The following SLC7A10 variants were observed in gnomAD, a reference collection of about 807,000 sequenced individuals.
The protein encoded by SLC7A10 is asc-type amino acid transporter 1.
In SLC7A10, 30 loss-of-function variants were observed where a neutral mutation model predicts 52.7. The ratio of observed to expected loss-of-function variants is 0.57; its 90% confidence interval spans 0.43 to 0.77. SLC7A10 has a LOEUF of 0.77. Ranked by LOEUF, SLC7A10 falls within the 30% of genes least tolerant of loss-of-function variation. SLC7A10 has a pLI of 0.00. For synonymous variants in SLC7A10, 318 were observed against 314.9 expected, an observed-to-expected ratio of 1.01 and a Z score of -0.10; for missense variants, 581 against 698.5, an observed-to-expected ratio of 0.83 and a Z score of 1.90.
intron 2 of SLC7A10, among the ~76,000 whole-genome samples, chr19:33,214,635 TC>T (rs1974629629): frequency 1.3e-5 from 2 of 152,152 alleles, no homozygotes. Context: ...TGTTCACACT[TC>T]CCCCATCCTG....
At chr19:33,209,170 G>C in intron 10 of SLC7A10, 138 bp downstream of exon 10, 1 of 1,520,434 alleles carries the variant, frequency 6.6e-7, no homozygotes. Flanking sequence ...CTTGGGAAGA[G>C]ACATTTGGTG....
intron 2 of SLC7A10, among the ~76,000 whole-genome samples, chr19:33,214,269 C>T (rs778056899): frequency 4.6e-5 from 7 of 152,146 alleles, no homozygotes; most frequent in Non-Finnish European, 1.0e-4. Flanking sequence ...TCCAAGGCTG[C>T]CCAGTTAAGG....
At chr19:33,209,896 T>C (rs1277392791) in intron 9 of SLC7A10, among the ~76,000 whole-genome samples, 1 of 152,084 alleles carries the variant, frequency 6.6e-6, no homozygotes, top group East Asian at 1.9e-4. Flanking sequence ...CATGAAATCC[T>C]GGCAGCCTTT....
intron 1 of SLC7A10, among the ~76,000 whole-genome samples, chr19:33,222,440 TAAAATAAATA>T (rs768178203): frequency 0.048 from 4,275 of 89,612 alleles, 99 homozygotes; most frequent in Non-Finnish European, 0.07. Flanking sequence ...TAAAATAAAA[TAAAATAAATA>T]AAATAAAATA....
intron 1 of SLC7A10, among the ~76,000 whole-genome samples, chr19:33,216,593 TTCCTTTCCTTTCCTTTC>T (rs892656874): frequency 3.2e-4 from 49 of 152,182 alleles, no homozygotes; most frequent in East Asian, 2.5e-3. Flanking sequence ...CTACTTCAAT[TTCCTTTCCTTTCCTTTC>T]TCCTTTCCTT....
intron 1 of SLC7A10, among the ~76,000 whole-genome samples, chr19:33,218,099 G>A (rs576637610): frequency 3.7e-4 from 56 of 152,282 alleles, no homozygotes; most frequent in African/African-American, 1.2e-3. Context: ...GGGGCTGGGT[G>A]GCCTTGGAAG....
chr19:33,211,545 C>G lies in SLC7A10; in HGVS notation c.789-8G>C, dbSNP rs772081588. 7 of 1,614,036 alleles carry G rather than the reference C, an allele frequency of 4.3e-6. 1 individual carries two copies. In the South Asian group the frequency reaches 7.7e-5, roughly 18 times the overall value. On this transcript the variant is annotated splice_polypyrimidine_tract_variant and splice_region_variant and intron_variant, in intron 5 of 10. Coordinates refer to ENST00000253188, the MANE Select transcript of SLC7A10 (RefSeq NM_019849.3). ...ATGGCGCGAGGTAGGTTCCTGGTGACAGGCAGTGGAGTGCGTCAGCGTCAG... is the reference window on the plus strand; with the variant it reads ...ATGGCGCGAGGTAGGTTCCTGGTGAGAGGCAGTGGAGTGCGTCAGCGTCAG...
chr19:33,214,287 G>A (rs1974622187), intron 2 of SLC7A10, among the ~76,000 whole-genome samples: 1 of 152,044 alleles, frequency 6.6e-6, no homozygotes, highest in South Asian at 2.1e-4. Flanking sequence ...AGGGTCCCCG[G>A]CCCATATCCC....
At chr19:33,218,062 G>A (rs939412475) in intron 1 of SLC7A10, among the ~76,000 whole-genome samples, 4 of 152,188 alleles carry the variant, frequency 2.6e-5, no homozygotes, top group African/African-American at 7.2e-5. Flanking sequence ...GGGATTTGCC[G>A]AAAGCCAGGG....
rs140475298 is a variant in SLC7A10, at chr19:33,208,819, C to T, written c.*72G>A. On this transcript the variant is annotated 3_prime_UTR_variant, in exon 11 of 11. Coordinates refer to ENST00000253188, the MANE Select transcript of SLC7A10 (RefSeq NM_019849.3). This position sits in a 1 kb window ranked among gnomAD's most constrained non-coding sequence, Gnocchi z 4.7. The stretch of plus-strand genomic sequence containing the variant: ...TTTTCCAGAAAAAAACAAAACAAAA[C>T]TTTTTTGCCAAAACACCTCCTCAAT... The T allele has an allele frequency of 8.6e-4, 1,361 of 1,574,584 alleles. 8 individuals carry two copies. The African/African-American group carries it at 0.016, about 18-fold the overall frequency.
chr19:33,218,271 G>A (rs1038200460), intron 1 of SLC7A10, among the ~76,000 whole-genome samples: 1 of 152,154 alleles, frequency 6.6e-6, no homozygotes, highest in Non-Finnish European at 1.5e-5. Flanking sequence ...CTTGTGCCCA[G>A]TGGCTGAAGA....
At position 33,212,571 on chromosome 19, in the gene SLC7A10, C is replaced by T. The variant is rs934363025; in HGVS notation, c.577G>A (p.Gly193Arg). 9 of 1,613,914 alleles carry T rather than the reference C, an allele frequency of 5.6e-6. No individual in the cohort carries two copies. Among genetic ancestry groups the T allele is most frequent in the African/African-American group, 2.7e-5 (2 of 74,950 alleles). ...ATRIQDMFTG[G>R]KLLALSLIIG... ...ATGAGGGACAAGGCCAGCAGCTTCC[C>T]GCCTGTGAACATGTCCTGGATGCGC... The change falls in exon 4 of 11, where the codon GGG (glycine) becomes AGG (arginine). Residue 193 changes from glycine to arginine, a missense_variant. Physicochemically the swap from Gly to Arg is moderately radical, Grantham distance 125. Transcript: ENST00000253188.
rs149183084 is a variant in SLC7A10, at chr19:33,223,552, C to T, written c.151+2001G>A. ...AGTGCAGACCCCAGCTCAGTCCTCA[C>T]CTGCCCAGTCCCCACCTCCTATCAC... is the stretch of plus-strand genomic sequence containing the variant. On this transcript the variant is annotated intron_variant, in intron 1 of 10. Transcript: ENST00000253188. Among the ~76,000 whole-genome samples, 694 of 152,002 alleles carry T rather than the reference C, an allele frequency of 4.6e-3. 6 individuals carry two copies. Among genetic ancestry groups the T allele is most frequent in the African/African-American group, 0.016 (658 of 41,460 alleles).
rs1335567754 is a variant in SLC7A10 at position 33,209,402 on chromosome 19, A to G, written c.1347T>C (p.Cys449=). The G allele has an allele frequency of 5.6e-6, 9 of 1,613,966 alleles. No homozygotes were observed. Among genetic ancestry groups the G allele is most frequent in the Non-Finnish European group, 7.6e-6 (9 of 1,180,036 alleles). The change falls in exon 10 of 11, where the codon TGT becomes TGC. Residue 449 remains cysteine, a synonymous_variant. Transcript: ENST00000253188. ...VFSFISEPMV[C]GVGVIIILTG... is the part of the protein sequence containing the mutation. ...TAAGGATGATGATGACGCCGACCCC[A>G]CAGACCATAGGCTCTGAGATGAAGC...
chr19:33,208,897 T>C lies in SLC7A10; in HGVS notation c.1566A>G (p.Pro522=). Residue 522 remains proline, a synonymous_variant, in exon 11 of 11, where the codon CCA becomes CCG. Transcript: ENST00000253188. This position sits in a 1 kb window ranked among gnomAD's most constrained non-coding sequence, Gnocchi z 4.7. ...LLPATDKPSK[P]Q ...TTCAGTCTCTACAAAAATCTCATTG[T>C]GGCTTCGAGGGCTTGTCTGTGGCAG... 2 of 1,399,918 alleles carry C rather than the reference T, an allele frequency of 1.4e-6. No individual in the cohort carries two copies. Among genetic ancestry groups the C allele is most frequent in the East Asian group, 3.7e-5 (1 of 26,726 alleles). The allele number at this position is 1,399,918 out of a possible 1,614,324, so 86.7% of individuals were successfully genotyped here. A position where few individuals can be genotyped will look rare whatever the true frequency, so the allele number is the denominator to read the frequency against.
At position 33,212,617 on chromosome 19, in the gene SLC7A10, G is replaced by A. The variant is rs1974579839; in HGVS notation, c.531C>T (p.Ser177=). Residue 177 remains serine (S), a synonymous_variant, in exon 4 of 11, where the codon AGC becomes AGT. Transcript: ENST00000253188. ...ACLMLLTWVN[S]SSVRWATRIQ... is the part of the protein sequence containing the mutation. ...TGCGCGTGGCCCAGCGCACACTGGA[G>A]CTGTTCACCCATGTCAGGAGCACTG... 2 of 1,613,714 alleles carry A rather than the reference G, an allele frequency of 1.2e-6. No individual in the cohort carries two copies. The highest frequency in any genetic ancestry group is 1.3e-5 in the African/African-American group (1 of 74,958).
chr19:33,210,787 G>C lies in SLC7A10; in HGVS notation c.1113+15C>G, dbSNP rs749125750. ...CTGCCTCCACGCCCTGCCTGGCCCA[G>C]GTCCCCCAACTTACACAGACGAGGA... On this transcript the variant is annotated intron_variant, in intron 8 of 10. Transcript: ENST00000253188. The surrounding 1 kb of genome is among the most constrained non-coding windows in gnomAD (Gnocchi z 5.6). The C allele has an allele frequency of 6.2e-7, 1 of 1,613,056 alleles. No homozygotes were observed. Among genetic ancestry groups the C allele is most frequent in the Admixed American group, 1.7e-5 (1 of 60,016 alleles).
intron 1 of SLC7A10, 93 bp downstream of exon 1, chr19:33,225,460 C>T (rs1317641311): frequency 1.3e-6 from 2 of 1,488,122 alleles, no homozygotes; most frequent in Non-Finnish European, 1.8e-6. Flanking sequence ...GCAGACCCGT[C>T]CGAGCGCCCG....
At chr19:33,209,268 C>T (rs1426068696) in intron 10 of SLC7A10, 40 bp downstream of exon 10, 9 of 1,612,138 alleles carry the variant, frequency 5.6e-6, no homozygotes, top group East Asian at 2.2e-5. Flanking sequence ...CTCCAGGCCC[C>T]GGCCCCCTGT....
Sources: gnomAD v4.1 joint callset for allele counts (sites outside exome capture counted in the v4.1 genomes callset) on GRCh38, gnomAD v4.1.1 for gene constraint, Gnocchi (gnomAD v3.1) non-coding constraint, MANE v1.5 for transcripts, NCBI Gene and HGNC (gene_info 2026-07-23, HGNC 2026-07-21) for gene names.